Variants in PDCD6IP observed in about 807,000 individuals in gnomAD.
The protein encoded by PDCD6IP is programmed cell death 6-interacting protein.
PDCD6IP carries 43 observed loss-of-function variants against 103.7 expected under a neutral mutation model. The observed-to-expected ratio is 0.41, with a 90% CI of 0.32 to 0.53. The LOEUF is 0.53. Among genes scored for constraint, PDCD6IP ranks in the 20% least tolerant of loss-of-function variants. The probability of loss-of-function intolerance (pLI) is 0.16; values close to 1 mark genes in which losing one functional copy is unlikely to be tolerated. For synonymous variants in PDCD6IP, 354 were observed against 378.7 expected (o/e 0.93, Z 0.76); for missense variants, 871 against 1,036.7 (o/e 0.84, Z 2.20).
intron 7 of PDCD6IP, among the ~76,000 whole-genome samples, chr3:33,835,622 G>A (rs1298858062): frequency 6.6e-6 from 1 of 152,154 alleles, no homozygotes; most frequent in Non-Finnish European, 1.5e-5. Context: ...GAAGGCTGAA[G>A]TGGGAGAATT....
chr3:33,828,659 T>C, intron 6 of PDCD6IP, 194 bp from the exon 7 acceptor site: 1 of 414,354 alleles, frequency 2.4e-6, no homozygotes, highest in Non-Finnish European at 4.1e-6. Context: ...GAAAAAAAAT[T>C]TAATTCATAG....
In PDCD6IP at chr3:33,867,090, G is replaced by A. The variant is rs939449248; in HGVS notation, c.*565G>A. Reference sequence around the variant, plus strand: ...TTAGTCTCATTTTGTATGTATATAAGTTAAACAGATACTGTTTTTAAGTGC... The same window carrying A: ...TTAGTCTCATTTTGTATGTATATAAATTAAACAGATACTGTTTTTAAGTGC... On this transcript the variant is annotated 3_prime_UTR_variant, in exon 18 of 18. Transcript: ENST00000307296. 5 of 152,042 alleles carry A rather than the reference G, an allele frequency of 3.3e-5. No individual in the cohort carries two copies. Among genetic ancestry groups the A allele is most frequent in the African/African-American group, 1.2e-4 (5 of 41,406 alleles). 9.4% of individuals were successfully genotyped at this position (152,042 alleles called of 1,614,324 possible).
chr3:33,823,261 C>G (rs1184983010), intron 4 of PDCD6IP, among the ~76,000 whole-genome samples: 1 of 152,102 alleles, frequency 6.6e-6, no homozygotes, highest in Non-Finnish European at 1.5e-5. Context: ...TGTTTCACTC[C>G]CAAACCTCCC....
chr3:33,853,823 T>C, intron 13 of PDCD6IP, 56 bp from the exon 14 acceptor site: 1 of 1,255,344 alleles, frequency 8.0e-7, no homozygotes, highest in Non-Finnish European at 1.0e-6. Flanking sequence ...AAAAATGTTA[T>C]GAGCTATATT....
At position 33,826,574 on chromosome 3, in the gene PDCD6IP, C is replaced by A. The variant is rs768592350; in HGVS notation, c.711C>A (p.Leu237=). Residue 237 remains leucine (L), a synonymous_variant, in exon 6 of 18, where the codon CTC becomes CTA. Transcript: ENST00000307296. ...AFKQCQYKDT[L]PKEVFPVLAA... ...AACAGTGTCAATACAAAGATACTCT[C>A]CCCAAGGTCAGTTATTGTTTTTATA... 22 of 1,611,010 alleles carry A rather than the reference C, an allele frequency of 1.4e-5. No homozygotes were observed. The highest frequency in any genetic ancestry group is 1.7e-5 in the Non-Finnish European group (20 of 1,177,712).
rs1317102210 is a variant in PDCD6IP, at chr3:33,837,339, T to C, written c.1058-865T>C. On this transcript the variant is annotated intron_variant, in intron 8 of 17. Transcript: ENST00000307296. The stretch of plus-strand genomic sequence containing the variant: ...AGCTGAGATTCCAAGGAGAATATTC[T>C]GTTACTGGGAAAGGGTGATTATATG... Among the ~76,000 whole-genome samples the C allele has an allele frequency of 2.0e-5, 3 of 152,346 alleles. No homozygotes were observed. The East Asian group carries it at 5.8e-4, about 29-fold the overall frequency.
chr3:33,808,696 A>G (rs1277217374), intron 1 of PDCD6IP, among the ~76,000 whole-genome samples: 1 of 152,160 alleles, frequency 6.6e-6, no homozygotes, highest in East Asian at 1.9e-4. Flanking sequence ...CTGCTCGTGC[A>G]CACCTGCAGT....
At chr3:33,851,813 TC>T (rs1697720656) in intron 12 of PDCD6IP, among the ~76,000 whole-genome samples, 1 of 152,156 alleles carries the variant, frequency 6.6e-6, no homozygotes, top group Non-Finnish European at 1.5e-5. Context: ...CCTTTTCCTC[TC>T]CCAGTATATA....
intron 1 of PDCD6IP, among the ~76,000 whole-genome samples, chr3:33,802,221 G>A (rs1349700249): frequency 1.3e-5 from 2 of 152,124 alleles, no homozygotes; most frequent in Admixed American, 6.5e-5. Flanking sequence ...AGAAAGGCAC[G>A]GGGCTCGCCC....
chr3:33,825,730 G>A (rs1697106623), intron 5 of PDCD6IP, among the ~76,000 whole-genome samples: 1 of 152,314 alleles, frequency 6.6e-6, no homozygotes. Flanking sequence ...GAGATGATAA[G>A]CAAGAATTAA....
chr3:33,853,344 A>G (rs1697761281), intron 13 of PDCD6IP, among the ~76,000 whole-genome samples: 1 of 152,186 alleles, frequency 6.6e-6, no homozygotes, highest in African/African-American at 2.4e-5. Context: ...TGGGAGGAAA[A>G]TCGAAATTAG....
intron 9 of PDCD6IP, among the ~76,000 whole-genome samples, chr3:33,840,405 A>T (rs1247344417): frequency 6.6e-6 from 1 of 152,206 alleles, no homozygotes; most frequent in African/African-American, 2.4e-5. Flanking sequence ...CCACAGGTAC[A>T]CGGACTCATG....
intron 2 of PDCD6IP, among the ~76,000 whole-genome samples, chr3:33,812,734 A>T (rs1431698939): frequency 6.6e-6 from 1 of 152,194 alleles, no homozygotes; most frequent in Non-Finnish European, 1.5e-5. Flanking sequence ...AAATAATTAT[A>T]TGTTGAGATT....
intron 3 of PDCD6IP, among the ~76,000 whole-genome samples, chr3:33,819,061 G>T (rs1008035977): frequency 6.6e-6 from 1 of 151,744 alleles, no homozygotes; most frequent in Admixed American, 6.6e-5. Flanking sequence ...ATATTTCTTT[G>T]ATAATTTTCT....
intron 9 of PDCD6IP, among the ~76,000 whole-genome samples, chr3:33,840,728 G>A (rs942583127): frequency 1.3e-5 from 2 of 152,154 alleles, no homozygotes; most frequent in Admixed American, 6.5e-5. Flanking sequence ...ACAAAACTGA[G>A]AACAGATGAA....
At chr3:33,799,007 CCCTT>C in intron 1 of PDCD6IP, 70 bp downstream of exon 1, 3 of 1,347,298 alleles carry the variant, frequency 2.2e-6, no homozygotes, top group Non-Finnish European at 3.0e-6. Flanking sequence ...CCCGTCTCCC[CCCTT>C]CCTTCAATCC....
At chr3:33,842,343 C>G (rs566363601) in intron 10 of PDCD6IP, among the ~76,000 whole-genome samples, 1 of 152,266 alleles carries the variant, frequency 6.6e-6, no homozygotes, top group Non-Finnish European at 1.5e-5. Flanking sequence ...TGTGAGAAAT[C>G]AACTGTCATA....
chr3:33,821,414 A>C (rs1696989845), intron 3 of PDCD6IP, among the ~76,000 whole-genome samples: 1 of 151,692 alleles, frequency 6.6e-6, no homozygotes, highest in African/African-American at 2.4e-5. Flanking sequence ...TCCTAAGTGG[A>C]TGTGAGGTGT....
At chr3:33,844,489 TA>T (rs1168665058) in intron 11 of PDCD6IP, among the ~76,000 whole-genome samples, 1 of 152,176 alleles carries the variant, frequency 6.6e-6, no homozygotes, top group African/African-American at 2.4e-5. Flanking sequence ...TTATTTTATT[TA>T]TTTTTTTTGA....
Sources: gnomAD v4.1 joint callset for allele counts (sites outside exome capture counted in the v4.1 genomes callset) on GRCh38, gnomAD v4.1.1 for gene constraint, MANE v1.5 for transcripts, NCBI Gene and HGNC (gene_info 2026-07-23, HGNC 2026-07-21) for gene names.